Variants in ZFHX3 observed in about 807,000 individuals in gnomAD.
The protein encoded by ZFHX3 is zinc finger homeobox 3.
In ZFHX3, 42 loss-of-function variants were observed where a neutral mutation model predicts 279.1. That is an observed-to-expected ratio of 0.15 (90% CI 0.12 to 0.19). The LOEUF (loss-of-function observed/expected upper bound fraction) is 0.19, where lower values mean the gene tolerates loss of function less well. ZFHX3 is among the 10% of genes least tolerant of loss of function. The probability of loss-of-function intolerance (pLI) is 1.00; values close to 1 mark genes in which losing one functional copy is unlikely to be tolerated. For synonymous variants in ZFHX3, 2,293 were observed against 1,957.8 expected, an observed-to-expected ratio of 1.17 and a Z score of -4.52; for missense variants, 4,981 against 4,754.0, an observed-to-expected ratio of 1.05 and a Z score of -1.40.
intron 3 of ZFHX3, among the ~76,000 whole-genome samples, chr16:73,366,638 A>G (rs2016536119): frequency 6.6e-6 from 1 of 151,556 alleles, no homozygotes; most frequent in Admixed American, 6.6e-5. Flanking sequence ...AAGCAACTCC[A>G]TGGAGCAATG....
At chr16:73,449,998 C>T (rs11649121) in intron 3 of ZFHX3, among the ~76,000 whole-genome samples, 16,412 of 152,160 alleles carry the variant, frequency 0.11, 1,215 homozygotes, top group East Asian at 0.24. Flanking sequence ...TGATATTTGT[C>T]ATGCATAACC....
At chr16:73,539,137 CTT>C (rs575202036) in intron 2 of ZFHX3, among the ~76,000 whole-genome samples, 2 of 147,452 alleles carry the variant, frequency 1.4e-5, no homozygotes. Context: ...TTCTTTCTTT[CTT>C]TTTTTTTTGC....
chr16:73,587,825 T>G (rs867151245), intron 2 of ZFHX3, among the ~76,000 whole-genome samples: 1 of 152,354 alleles, frequency 6.6e-6, no homozygotes, highest in African/African-American at 2.4e-5. Context: ...GCATACATTT[T>G]AAATAAACAA....
At position 72,958,899 on chromosome 16, in the gene ZFHX3, G is replaced by C; in HGVS notation, c.1247C>G (p.Thr416Ser). Reference sequence around the variant, plus strand: ...AGCCAGAGGCCCCAGGGGGACTGAGGTAATGGGGGTCTTCAGTACCGAGCT... The same window carrying C: ...AGCCAGAGGCCCCAGGGGGACTGAGCTAATGGGGGTCTTCAGTACCGAGCT... ...LTSSVLKTPI[T>S]SVPLGPLASS... The change falls in exon 2 of 10, where the codon ACC becomes AGC. Residue 416 changes from threonine to serine, a missense_variant. Thr to Ser is a moderately conservative substitution (Grantham distance 58). Around this residue, in one of 7 missense-constraint regions of ZFHX3, gnomAD observed 1,068 missense variants for 935.2 expected, o/e 1.14. Transcript: ENST00000268489. The C allele has an allele frequency of 6.2e-7, 1 of 1,608,204 alleles. No individual in the cohort carries two copies. Among genetic ancestry groups the C allele is most frequent in the Non-Finnish European group, 8.5e-7 (1 of 1,176,982 alleles).
intron 5 of ZFHX3, among the ~76,000 whole-genome samples, chr16:73,186,005 G>A (rs529856580): frequency 6.6e-6 from 1 of 152,168 alleles, no homozygotes; most frequent in East Asian, 1.9e-4. Flanking sequence ...ACCCTTTTGG[G>A]AACTGCATAT....
Position 72,826,662 on chromosome 16 carries a change from T to C in ZFHX3, c.3529+3117A>G, listed in dbSNP as rs147520039. 9.3e-3 allele frequency among the ~76,000 whole-genome samples: 1,413 copies of C among 152,252 alleles called. 20 individuals carry two copies. Among genetic ancestry groups the C allele is most frequent in the African/African-American group, 0.03 (1,252 of 41,560 alleles). ...AATTATGCTTCGGATCAAAAGAGGA[T>C]CATTTGCAGGAGTCGGGAAAGAATT... On this transcript the variant is annotated intron_variant, in intron 5 of 9. Transcript: ENST00000268489.
Position 72,958,761 on chromosome 16 carries a change from T to G in ZFHX3, c.1385A>C (p.Glu462Ala), listed in dbSNP as rs143796825. 263 of 1,613,874 alleles carry G rather than the reference T, an allele frequency of 1.6e-4. No individual in the cohort carries two copies. The highest frequency in any genetic ancestry group is 4.2e-4 in the Admixed American group (25 of 60,002). Residue 462 changes from glutamate to alanine, a missense_variant, in exon 2 of 10, where the codon GAG becomes GCG. This residue lies in a region of ZFHX3 where 1,068 missense variants were observed against 935.2 expected (regional missense o/e 1.14). Coordinates refer to ENST00000268489, the MANE Select transcript of ZFHX3 (RefSeq NM_006885.4). ...TTCCTCCTCCTCTTCCTCCTCCGCC[T>G]CCTCTTCGGCTGGCTCTACCTTCTC... ...FSEKVEPAEE[E>A]AEEEEEEEEA...
At chr16:73,876,854 C>A (rs1447193901) in intron 1 of ZFHX3, among the ~76,000 whole-genome samples, 1 of 152,062 alleles carries the variant, frequency 6.6e-6, no homozygotes, top group Non-Finnish European at 1.5e-5. Context: ...ACCACCTTCA[C>A]ACACAGACAC....
chr16:72,963,304 G>A (rs1230046313), intron 1 of ZFHX3, among the ~76,000 whole-genome samples: 1 of 152,080 alleles, frequency 6.6e-6, no homozygotes, highest in Non-Finnish European at 1.5e-5. Flanking sequence ...TCTGCTGGTG[G>A]CACCCGGAAC....
At chr16:73,699,029 C>CAT (rs2053223264) in intron 1 of ZFHX3, among the ~76,000 whole-genome samples, 1 of 152,098 alleles carries the variant, frequency 6.6e-6, no homozygotes, top group Non-Finnish European at 1.5e-5. Context: ...AGATTATAGG[C>CAT]GCCCGCTACC....
At chr16:73,021,244 G>A (rs765856318) in intron 1 of ZFHX3, among the ~76,000 whole-genome samples, 1 of 152,204 alleles carries the variant, frequency 6.6e-6, no homozygotes, top group Non-Finnish European at 1.5e-5. Flanking sequence ...CGGGGCTCGA[G>A]GTTCTGGGAC....
chr16:73,437,594 T>C (rs557532565), intron 3 of ZFHX3, among the ~76,000 whole-genome samples: 1 of 152,184 alleles, frequency 6.6e-6, no homozygotes, highest in South Asian at 2.1e-4. Flanking sequence ...TGTTACATCC[T>C]TTTCTTCCTA....
intron 4 of ZFHX3, among the ~76,000 whole-genome samples, chr16:72,845,798 C>A (rs1305634527): frequency 6.6e-6 from 1 of 152,128 alleles, no homozygotes; most frequent in Non-Finnish European, 1.5e-5. Flanking sequence ...TAGCAAGTAT[C>A]TAACAATAGC....
chr16:72,883,236 T>C (rs1401780616), intron 4 of ZFHX3, among the ~76,000 whole-genome samples: 3 of 152,080 alleles, frequency 2.0e-5, no homozygotes, highest in Admixed American at 6.5e-5. Flanking sequence ...AACAAGACAG[T>C]ATACACCCTG....
At chr16:73,045,135 G>C (rs535884056) in intron 1 of ZFHX3, among the ~76,000 whole-genome samples, 4 of 152,198 alleles carry the variant, frequency 2.6e-5, no homozygotes, top group African/African-American at 9.6e-5. Flanking sequence ...GTAGGTGGAA[G>C]AAAAAAAGCT....
In ZFHX3 at chr16:72,959,099, G is replaced by A. The variant is rs1410015909; in HGVS notation, c.1047C>T (p.His349=). The A allele has an allele frequency of 1.9e-6, 3 of 1,614,194 alleles. No individual in the cohort carries two copies. The highest frequency in any genetic ancestry group is 2.5e-6 in the Non-Finnish European group (3 of 1,180,026). Residue 349 remains histidine, a synonymous_variant, in exon 2 of 10, where the codon CAC becomes CAT. Coordinates refer to ENST00000268489, the MANE Select transcript of ZFHX3 (RefSeq NM_006885.4). The part of the protein sequence containing the change: ...FLEPKNKNFQ[H]PLVSTANLIG... ...TGAGGTTAGCTGTGGAAACTAAAGG[G>A]TGTTGAAAGTTTTTGTTTTTTGGTT...
At chr16:73,771,632 T>C (rs1338494551) in intron 1 of ZFHX3, among the ~76,000 whole-genome samples, 1 of 151,012 alleles carries the variant, frequency 6.6e-6, no homozygotes, top group Non-Finnish European at 1.5e-5. Flanking sequence ...GACATAAGAG[T>C]ACCTAGTCTG....
chr16:73,302,646 A>G (rs62054724), intron 4 of ZFHX3, among the ~76,000 whole-genome samples: 17,012 of 152,246 alleles, frequency 0.11, 982 homozygotes, highest in Non-Finnish European at 0.12. Flanking sequence ...CTGTGAAAAC[A>G]TTCACTTAGC....
chr16:73,691,212 T>G (rs971858719), intron 1 of ZFHX3, among the ~76,000 whole-genome samples: 1 of 152,334 alleles, frequency 6.6e-6, no homozygotes, highest in East Asian at 1.9e-4. Context: ...CTGGTGGTAT[T>G]ATTTTCTACC....
Sources: allele counts gnomAD v4.1 joint callset (sites outside exome capture counted in the v4.1 genomes callset), GRCh38; gene constraint gnomAD v4.1.1; regional missense constraint gnomAD v4.1.1; transcripts MANE v1.5; gene names NCBI Gene and HGNC (gene_info 2026-07-23, HGNC 2026-07-21).